Variants in LOC128706666 observed in about 807,000 individuals in gnomAD.
At chr20:10,427,686 C>T in the LOC128706666 span, among the ~76,000 whole-genome samples, 2 of 152,210 alleles carry the variant, frequency 1.3e-5, no homozygotes, top group African/African-American at 4.8e-5. Flanking sequence ...AATGAACTGA[C>T]ATGGTAAACA....
the LOC128706666 span, among the ~76,000 whole-genome samples, chr20:10,429,478 G>A: frequency 6.6e-6 from 1 of 152,140 alleles, no homozygotes; most frequent in Non-Finnish European, 1.5e-5. Context: ...ATAATAAACT[G>A]CTACTGTACA....
At chr20:10,426,666 G>A in the LOC128706666 span, among the ~76,000 whole-genome samples, 4 of 152,228 alleles carry the variant, frequency 2.6e-5, no homozygotes, top group Non-Finnish European at 2.9e-5. Context: ...CCAAAGTGCT[G>A]GGATTACAGG....
the LOC128706666 span, among the ~76,000 whole-genome samples, chr20:10,429,691 C>A: frequency 1.9e-4 from 29 of 152,336 alleles, no homozygotes; most frequent in African/African-American, 6.3e-4. Flanking sequence ...CTCAGCACAT[C>A]CTGCCATTTG....
At chr20:10,428,801 G>A in the LOC128706666 span, among the ~76,000 whole-genome samples, 2 of 151,942 alleles carry the variant, frequency 1.3e-5, no homozygotes, top group South Asian at 2.1e-4. Flanking sequence ...TCGAGATCGC[G>A]CCATTGCACT....
the LOC128706666 span, among the ~76,000 whole-genome samples, chr20:10,416,227 G>C: frequency 6.6e-6 from 1 of 152,132 alleles, no homozygotes; most frequent in Non-Finnish European, 1.5e-5. Context: ...TCTAAATTAA[G>C]AGGTGCACTA....
At chr20:10,415,618 A>T in the LOC128706666 span, among the ~76,000 whole-genome samples, 8 of 152,240 alleles carry the variant, frequency 5.3e-5, 1 homozygote, top group Non-Finnish European at 1.2e-4. Context: ...CAGATTCAGC[A>T]AAATCTGAGA....
At chr20:10,418,830 C>T in the LOC128706666 span, among the ~76,000 whole-genome samples, 93 of 152,132 alleles carry the variant, frequency 6.1e-4, no homozygotes, top group African/African-American at 2.0e-3. Flanking sequence ...TCTTACTAGT[C>T]TGAAAGACTA....
the LOC128706666 span, chr20:10,434,087 C>G: frequency 6.5e-6 from 1 of 152,806 alleles, no homozygotes; most frequent in South Asian, 2.1e-4. Context: ...GCTTTTCCAC[C>G]TAGAGTCCCA....
the LOC128706666 span, among the ~76,000 whole-genome samples, chr20:10,432,094 T>C: frequency 6.6e-6 from 1 of 152,212 alleles, no homozygotes; most frequent in Admixed American, 6.5e-5. Flanking sequence ...TTGACTTGGC[T>C]GAAGAGAGTT....
At chr20:10,429,687 A>G in the LOC128706666 span, among the ~76,000 whole-genome samples, 2 of 152,164 alleles carry the variant, frequency 1.3e-5, no homozygotes, top group Non-Finnish European at 2.9e-5. Context: ...CTCACTCAGC[A>G]CATCCTGCCA....
At chr20:10,429,488 A>C in the LOC128706666 span, among the ~76,000 whole-genome samples, 1 of 152,110 alleles carries the variant, frequency 6.6e-6, no homozygotes, top group African/African-American at 2.4e-5. Flanking sequence ...GCTACTGTAC[A>C]CCTTTGAACT....
chr20:10,429,126 C>A, the LOC128706666 span, among the ~76,000 whole-genome samples: 1 of 152,194 alleles, frequency 6.6e-6, no homozygotes, highest in African/African-American at 2.4e-5. Flanking sequence ...AATAATGCAT[C>A]TTTTCCTAGT....
the LOC128706666 span, among the ~76,000 whole-genome samples, chr20:10,417,739 T>A: frequency 3.0e-4 from 45 of 152,128 alleles, no homozygotes; most frequent in African/African-American, 1.0e-3. Context: ...CATGATTACC[T>A]AGGATCTATT....
the LOC128706666 span, among the ~76,000 whole-genome samples, chr20:10,423,547 G>A: frequency 1.3e-5 from 2 of 152,164 alleles, no homozygotes; most frequent in Non-Finnish European, 2.9e-5. Context: ...ACTAATGTTT[G>A]GGGAAGTGTT....
chr20:10,423,446 A>G, the LOC128706666 span, among the ~76,000 whole-genome samples: 1 of 152,174 alleles, frequency 6.6e-6, no homozygotes, highest in Non-Finnish European at 1.5e-5. Flanking sequence ...AGCAAAAAAG[A>G]GACTGGATAG....
At chr20:10,429,324 G>C in the LOC128706666 span, among the ~76,000 whole-genome samples, 6 of 152,174 alleles carry the variant, frequency 3.9e-5, no homozygotes, top group East Asian at 1.2e-3. Flanking sequence ...TTAATAGCCT[G>C]CTGGTTTCCA....
At chr20:10,425,294 T>G in the LOC128706666 span, among the ~76,000 whole-genome samples, 5 of 152,324 alleles carry the variant, frequency 3.3e-5, no homozygotes, top group African/African-American at 1.2e-4. Context: ...ATAATGGCGA[T>G]ATCCTAATTT....
the LOC128706666 span, among the ~76,000 whole-genome samples, chr20:10,432,817 C>G: frequency 3.2e-5 from 3 of 94,862 alleles, no homozygotes; most frequent in Non-Finnish European, 7.7e-5. Context: ...AAAAAAAAAT[C>G]GTGTAGTTTT....
At chr20:10,431,403 A>G in the LOC128706666 span, among the ~76,000 whole-genome samples, 109 of 152,276 alleles carry the variant, frequency 7.2e-4, no homozygotes, top group African/African-American at 2.6e-3. Flanking sequence ...TAGCAAGACT[A>G]CTAGCCTCAG....
Sources: allele counts gnomAD v4.1 joint callset (sites outside exome capture counted in the v4.1 genomes callset), GRCh38; gene constraint gnomAD v4.1.1; transcripts MANE v1.5.